MMP26: variants seen among roughly 807,000 people sequenced by gnomAD.
The protein encoded by MMP26 is matrix metalloproteinase-26.
Under a neutral mutation model 31.0 loss-of-function variants are expected in MMP26, and 33 were observed. The observed-to-expected ratio is 1.06, with a 90% CI of 0.81 to 1.42. MMP26 has a LOEUF of 1.42. Ranked by LOEUF, MMP26 falls within the 40% of genes most tolerant of loss-of-function variation. The pLI is 0.00. For synonymous variants in MMP26, 122 were observed against 114.9 expected, an observed-to-expected ratio of 1.06 and a Z score of -0.40; for missense variants, 347 against 316.1, an observed-to-expected ratio of 1.10 and a Z score of -0.74.
intron 2 of MMP26, among the ~76,000 whole-genome samples, chr11:4,781,805 T>C (rs1848868226): frequency 6.6e-6 from 1 of 152,098 alleles, no homozygotes; most frequent in Admixed American, 6.5e-5. Flanking sequence ...GGGGCAGGTC[T>C]TTCCCATACT....
At chr11:4,879,908 G>T (rs1017657742) in intron 2 of MMP26, among the ~76,000 whole-genome samples, 1 of 152,156 alleles carries the variant, frequency 6.6e-6, no homozygotes, top group South Asian at 2.1e-4. Flanking sequence ...GACATTCAGG[G>T]AGCCTTCCTG....
At chr11:4,966,439 C>T (rs1846596225) in intron 2 of MMP26, among the ~76,000 whole-genome samples, 1 of 152,054 alleles carries the variant, frequency 6.6e-6, no homozygotes, top group Admixed American at 6.6e-5. Flanking sequence ...GTGCCTGATT[C>T]GATATCTCCA....
At chr11:4,799,928 A>G (rs1849158991) in intron 2 of MMP26, among the ~76,000 whole-genome samples, 1 of 152,188 alleles carries the variant, frequency 6.6e-6, no homozygotes, top group African/African-American at 2.4e-5. Flanking sequence ...TGGTGCAACA[A>G]GTGTGCTCCT....
At chr11:4,959,201 G>A (rs914103739) in intron 2 of MMP26, among the ~76,000 whole-genome samples, 4 of 123,374 alleles carry the variant, frequency 3.2e-5, no homozygotes, top group Non-Finnish European at 4.7e-5. Context: ...TCTCGCCACC[G>A]CACTCTAGCC....
chr11:4,977,667 G>A (rs530346263), intron 2 of MMP26, among the ~76,000 whole-genome samples: 42 of 152,072 alleles, frequency 2.8e-4, no homozygotes, highest in Non-Finnish European at 5.3e-4. Context: ...TCTGGAAGCA[G>A]CTTTTTCAGA....
chr11:4,859,788 A>C, intron 2 of MMP26: 1 of 471,420 alleles, frequency 2.1e-6, no homozygotes, highest in South Asian at 1.5e-5. Flanking sequence ...TGGAGGCAGC[A>C]CCCATAAAAG....
At chr11:4,715,051 C>T (rs768963363) in intron 1 of MMP26, among the ~76,000 whole-genome samples, 1 of 151,890 alleles carries the variant, frequency 6.6e-6, no homozygotes, top group Non-Finnish European at 1.5e-5. Context: ...TTTAAATAGA[C>T]AAAATTGAAT....
chr11:4,856,533 A>G (rs976624798), intron 2 of MMP26, among the ~76,000 whole-genome samples: 1 of 152,240 alleles, frequency 6.6e-6, no homozygotes, highest in Admixed American at 6.5e-5. Context: ...TGTCCTAAAT[A>G]TATATGCGCC....
intron 2 of MMP26, chr11:4,882,419 C>A (rs1220499661): frequency 1.9e-6 from 3 of 1,613,906 alleles, no homozygotes; most frequent in Non-Finnish European, 2.5e-6. Context: ...TCATGGGGGT[C>A]ACGAGCTTTC....
chr11:4,785,300 C>G (rs1401156126), intron 2 of MMP26, among the ~76,000 whole-genome samples: 1 of 152,164 alleles, frequency 6.6e-6, no homozygotes, highest in African/African-American at 2.4e-5. Context: ...CTTAAGTACT[C>G]CATGTCTCAT....
chr11:4,868,605 A>T (rs892622852), intron 2 of MMP26, among the ~76,000 whole-genome samples: 31 of 152,170 alleles, frequency 2.0e-4, no homozygotes, highest in Non-Finnish European at 3.8e-4. Flanking sequence ...ATGCTCTTTG[A>T]TAGGAAGAAT....
chr11:4,738,877 T>C (rs182085743), intron 1 of MMP26, among the ~76,000 whole-genome samples: 148 of 152,314 alleles, frequency 9.7e-4, no homozygotes, highest in Middle Eastern at 3.4e-3. Flanking sequence ...AGGAAATAAT[T>C]TTATATAAAG....
chr11:4,726,934 T>C (rs964666324), intron 1 of MMP26, among the ~76,000 whole-genome samples: 3 of 152,094 alleles, frequency 2.0e-5, no homozygotes, highest in Non-Finnish European at 4.4e-5. Flanking sequence ...CAGGATTGCT[T>C]GAGGCCAGGA....
At chr11:4,830,880 C>A (rs890188369) in intron 2 of MMP26, among the ~76,000 whole-genome samples, 1 of 151,936 alleles carries the variant, frequency 6.6e-6, no homozygotes, top group African/African-American at 2.4e-5. Context: ...CGTGAACAGA[C>A]AAAGACAAGA....
intron 2 of MMP26, chr11:4,859,818 G>C (rs1228330080): frequency 2.1e-6 from 1 of 471,448 alleles, no homozygotes; most frequent in South Asian, 1.5e-5. Context: ...AGAGGAGCAC[G>C]GTAGACATGT....
At chr11:4,770,510 A>G (rs1031610991) in intron 2 of MMP26, among the ~76,000 whole-genome samples, 2 of 152,206 alleles carry the variant, frequency 1.3e-5, no homozygotes, top group Non-Finnish European at 2.9e-5. Flanking sequence ...GGAATGCACT[A>G]TATACACTAA....
In MMP26 at chr11:4,882,575, A is replaced by G. The variant is rs765435624; in HGVS notation, c.-144-105493A>G. On this transcript the variant is annotated intron_variant, in intron 2 of 7. Coordinates refer to ENST00000380390, the MANE Select transcript of MMP26 (RefSeq NM_021801.5). ...TTTCTCCTATGTCCTGATCCTCCGTACTGTTCTGGGCATTGTGGCCCGAAA... is the reference window on the plus strand; with the variant it reads ...TTTCTCCTATGTCCTGATCCTCCGTGCTGTTCTGGGCATTGTGGCCCGAAA... 6.2e-7 allele frequency: 1 copy of G among 1,613,844 alleles called. No homozygotes were observed. Among genetic ancestry groups the G allele is most frequent in the East Asian group, 2.2e-5 (1 of 44,818 alleles).
chr11:4,797,088 T>A (rs988640951), intron 2 of MMP26, among the ~76,000 whole-genome samples: 1 of 152,126 alleles, frequency 6.6e-6, no homozygotes, highest in African/African-American at 2.4e-5. Flanking sequence ...CTTGTCATAT[T>A]TAACACTTCC....
At chr11:4,916,088 G>T (rs1389120244) in intron 2 of MMP26, among the ~76,000 whole-genome samples, 1 of 152,032 alleles carries the variant, frequency 6.6e-6, no homozygotes, top group African/African-American at 2.4e-5. Flanking sequence ...GGAGGCCGAG[G>T]CGGGCGGATC....
Sources: allele counts gnomAD v4.1 joint callset (sites outside exome capture counted in the v4.1 genomes callset), GRCh38; gene constraint gnomAD v4.1.1; transcripts MANE v1.5; gene names NCBI Gene and HGNC (gene_info 2026-07-23, HGNC 2026-07-21).